RALYL: variants seen among roughly 807,000 people sequenced by gnomAD.
RALYL encodes RNA-binding Raly-like protein.
Under a neutral mutation model 35.1 loss-of-function variants are expected in RALYL, and 29 were observed. The observed-to-expected ratio is 0.83, with a 90% CI of 0.61 to 1.13. RALYL has a LOEUF of 1.13. Among genes scored for constraint, RALYL ranks in the 50% most tolerant of loss-of-function variants. The pLI is 0.00. For synonymous variants in RALYL, 120 were observed against 127.6 expected (o/e 0.94, Z 0.40); for missense variants, 359 against 360.4 (o/e 1.00, Z 0.03).
chr8:84,670,755 C>T (rs1833051273), intron 2 of RALYL, among the ~76,000 whole-genome samples: 1 of 152,128 alleles, frequency 6.6e-6, no homozygotes, highest in South Asian at 2.1e-4. Context: ...CCCACCAGGT[C>T]CTTCTGAAGA....
chr8:84,699,053 G>GATAA lies in RALYL; in HGVS notation c.257-75523_257-75522insAATA, dbSNP rs1839733775. ...AGATAGATAGATAGATAGATAGATA[G>GATAA]ATAGGATAAATAGATAACAGATGAA... On this transcript the variant is annotated intron_variant, in intron 2 of 8. Transcript: ENST00000521268. Among the ~76,000 whole-genome samples the GATAA allele has an allele frequency of 4.6e-5, 7 of 151,154 alleles. No homozygotes were observed. In the South Asian group the frequency reaches 1.5e-3, roughly 32 times the overall value.
intron 2 of RALYL, among the ~76,000 whole-genome samples, chr8:84,763,873 C>T (rs928323672): frequency 3.3e-5 from 5 of 152,146 alleles, no homozygotes; most frequent in African/African-American, 1.2e-4. Flanking sequence ...CTGTTCTCAG[C>T]TAAAATTTTT....
intron 2 of RALYL, among the ~76,000 whole-genome samples, chr8:84,735,806 A>C (rs1847155345): frequency 8.6e-6 from 1 of 115,850 alleles, no homozygotes; most frequent in Admixed American, 8.4e-5. Context: ...AGATCATCCA[A>C]ACCGCGAGAG....
At chr8:84,831,237 T>A (rs1008942508) in intron 4 of RALYL, among the ~76,000 whole-genome samples, 1 of 152,142 alleles carries the variant, frequency 6.6e-6, no homozygotes, top group Non-Finnish European at 1.5e-5. Context: ...TCTATAGGAA[T>A]CCATAAATTT....
At chr8:84,771,920 A>G (rs776170845) in intron 2 of RALYL, among the ~76,000 whole-genome samples, 4 of 152,154 alleles carry the variant, frequency 2.6e-5, no homozygotes, top group Non-Finnish European at 5.9e-5. Flanking sequence ...CTGGTTTAAG[A>G]TTATCCTCCC....
At chr8:84,907,495 G>A (rs754904531) in intron 8 of RALYL, among the ~76,000 whole-genome samples, 2 of 152,018 alleles carry the variant, frequency 1.3e-5, no homozygotes, top group South Asian at 2.1e-4. Flanking sequence ...AAATAACTTC[G>A]AGGAGTAGCT....
At chr8:84,727,803 T>A (rs1055233997) in intron 2 of RALYL, among the ~76,000 whole-genome samples, 2 of 152,052 alleles carry the variant, frequency 1.3e-5, no homozygotes, top group Non-Finnish European at 2.9e-5. Flanking sequence ...GGACATGAAC[T>A]CATCCTTTTT....
chr8:84,529,107 T>C (rs528539718), intron 1 of RALYL, among the ~76,000 whole-genome samples, 192 bp from the exon 2 acceptor site: 15 of 152,350 alleles, frequency 9.8e-5, no homozygotes, highest in African/African-American at 3.4e-4. Context: ...TTCTACTGTA[T>C]TTAGCAATGC....
At chr8:84,464,540 T>C (rs555570337) in intron 1 of RALYL, among the ~76,000 whole-genome samples, 118 of 150,548 alleles carry the variant, frequency 7.8e-4, no homozygotes, top group African/African-American at 2.7e-3. Flanking sequence ...CAGTCTATCA[T>C]TGTTGGACAT....
intron 1 of RALYL, among the ~76,000 whole-genome samples, chr8:84,417,978 T>C (rs188939716): frequency 6.6e-6 from 1 of 152,208 alleles, no homozygotes; most frequent in Non-Finnish European, 1.5e-5. Context: ...AGAGATCTTT[T>C]CCCCTACTAA....
intron 1 of RALYL, among the ~76,000 whole-genome samples, chr8:84,208,515 G>A (rs1308493748): frequency 6.6e-6 from 1 of 152,112 alleles, no homozygotes; most frequent in Non-Finnish European, 1.5e-5. Context: ...CTCGGAAGGA[G>A]CGTAAGCTTT....
chr8:84,377,451 G>GTTTTTTTTTT (rs369746268), intron 1 of RALYL, among the ~76,000 whole-genome samples: 2 of 83,720 alleles, frequency 2.4e-5, no homozygotes, highest in Non-Finnish European at 4.7e-5. Flanking sequence ...AAGGTTAACT[G>GTTTTTTTTTT]TTTTTTTTTT....
intron 2 of RALYL, among the ~76,000 whole-genome samples, chr8:84,694,980 G>A (rs867015518): frequency 1.3e-5 from 2 of 151,750 alleles, no homozygotes; most frequent in Non-Finnish European, 2.9e-5. Flanking sequence ...TATAATAGTT[G>A]AGGAAACATT....
chr8:84,232,963 A>G (rs781232717), intron 1 of RALYL, among the ~76,000 whole-genome samples: 7 of 152,014 alleles, frequency 4.6e-5, no homozygotes, highest in Admixed American at 6.6e-5. Context: ...CTACATTTGC[A>G]TTTTAAAATT....
At chr8:84,227,240 A>T (rs1824145761) in intron 1 of RALYL, among the ~76,000 whole-genome samples, 1 of 151,484 alleles carries the variant, frequency 6.6e-6, no homozygotes, top group Admixed American at 6.6e-5. Context: ...TTGTATTTTT[A>T]GTAGAGACGG....
intron 1 of RALYL, among the ~76,000 whole-genome samples, chr8:84,355,474 G>A (rs1478958488): frequency 6.6e-6 from 1 of 150,540 alleles, no homozygotes; most frequent in Non-Finnish European, 1.5e-5. Flanking sequence ...AGACAACATA[G>A]CTCATGCATA....
At chr8:84,747,452 C>G (rs1160377299) in intron 2 of RALYL, among the ~76,000 whole-genome samples, 1 of 151,832 alleles carries the variant, frequency 6.6e-6, no homozygotes, top group African/African-American at 2.4e-5. Flanking sequence ...TTGAATTTCT[C>G]TATATAGTTA....
intron 1 of RALYL, among the ~76,000 whole-genome samples, chr8:84,258,003 A>ATTT (rs1831511043): frequency 6.6e-6 from 1 of 152,148 alleles, no homozygotes; most frequent in South Asian, 2.1e-4. Context: ...GGACTACTGA[A>ATTT]TTTAGAGTTC....
At chr8:84,277,296 A>G (rs990786215) in intron 1 of RALYL, among the ~76,000 whole-genome samples, 1 of 152,202 alleles carries the variant, frequency 6.6e-6, no homozygotes, top group Non-Finnish European at 1.5e-5. Context: ...TTATAAAACC[A>G]TCAGATCTTG....
Sources: allele counts gnomAD v4.1 joint callset (sites outside exome capture counted in the v4.1 genomes callset), GRCh38; gene constraint gnomAD v4.1.1; transcripts MANE v1.5; gene names NCBI Gene and HGNC (gene_info 2026-07-23, HGNC 2026-07-21).